Variants in COL15A1 observed in about 807,000 individuals in gnomAD.
COL15A1 encodes collagen alpha-1(XV) chain.
Under a neutral mutation model 165.9 loss-of-function variants are expected in COL15A1, and 111 were observed. The ratio of observed to expected loss-of-function variants is 0.67; its 90% CI spans 0.57 to 0.78. The LOEUF is 0.78. Among genes scored for constraint, COL15A1 ranks in the 30% least tolerant of loss-of-function variants. The probability of loss-of-function intolerance (pLI) is 0.00; values close to 1 mark genes in which losing one functional copy is unlikely to be tolerated. For synonymous variants in COL15A1, 659 were observed against 674.8 expected (o/e 0.98, Z 0.36); for missense variants, 1,745 against 1,789.7 (o/e 0.98, Z 0.45).
At chr9:98,996,520 T>C (rs1448547861) in intron 5 of COL15A1, among the ~76,000 whole-genome samples, 1 of 152,228 alleles carries the variant, frequency 6.6e-6, no homozygotes, top group Non-Finnish European at 1.5e-5. Flanking sequence ...TTCATAGGTG[T>C]TTTCATATCT....
chr9:98,990,760 G>T (rs556363056), intron 5 of COL15A1, among the ~76,000 whole-genome samples: 1 of 152,220 alleles, frequency 6.6e-6, no homozygotes, highest in Non-Finnish European at 1.5e-5. Context: ...GGAGGGGAAG[G>T]AAGAGAACTG....
At chr9:99,049,457 A>G (rs1230970522) in intron 28 of COL15A1, among the ~76,000 whole-genome samples, 1 of 152,172 alleles carries the variant, frequency 6.6e-6, no homozygotes, top group Non-Finnish European at 1.5e-5. Context: ...CATTAGCTGC[A>G]TGTGTTAACC....
intron 11 of COL15A1, among the ~76,000 whole-genome samples, chr9:99,016,657 G>T (rs1316408928): frequency 1.3e-5 from 2 of 152,238 alleles, no homozygotes; most frequent in East Asian, 3.8e-4. Context: ...CCACACCTAG[G>T]GTTGTCACCA....
chr9:99,014,961 C>T (rs960412907), intron 9 of COL15A1, among the ~76,000 whole-genome samples: 2 of 152,140 alleles, frequency 1.3e-5, no homozygotes, highest in Non-Finnish European at 1.5e-5. Context: ...AGAGGGGTGA[C>T]TTTGAGTTCC....
chr9:98,969,117 T>C (rs35706367), intron 2 of COL15A1, among the ~76,000 whole-genome samples: 36,404 of 152,124 alleles, frequency 0.24, 4,926 homozygotes, highest in East Asian at 0.37. Flanking sequence ...ATGAGAAAGA[T>C]TGTATCACCC....
intron 30 of COL15A1, among the ~76,000 whole-genome samples, chr9:99,051,386 C>T (rs112647306): frequency 1.3e-5 from 2 of 152,116 alleles, no homozygotes; most frequent in Non-Finnish European, 2.9e-5. Flanking sequence ...CTTCATATTG[C>T]CTGGCTAGAT....
At chr9:99,028,086 G>A (rs1199273361) in intron 16 of COL15A1, among the ~76,000 whole-genome samples, 1 of 152,160 alleles carries the variant, frequency 6.6e-6, no homozygotes, top group African/African-American at 2.4e-5. Context: ...TTGCACCGTT[G>A]GATAGATCCA....
chr9:99,069,643 G>T, intron 41 of COL15A1, 30 bp from the exon 42 acceptor site: 1 of 1,584,784 alleles, frequency 6.3e-7, no homozygotes, highest in South Asian at 1.1e-5. Context: ...GTGTCATTTT[G>T]AAAAATAACA....
intron 40 of COL15A1, 75 bp from the exon 41 acceptor site, chr9:99,068,467 CAAAAAAAAAAAAA>C: frequency 1.1e-5 from 3 of 269,468 alleles, no homozygotes; most frequent in Admixed American, 1.7e-4. Context: ...GAAACTGTGT[CAAAAAAAAAAAAA>C]AAAAAAGAGT....
chr9:98,960,341 A>C (rs757657467), intron 2 of COL15A1, among the ~76,000 whole-genome samples: 1 of 152,196 alleles, frequency 6.6e-6, no homozygotes. Flanking sequence ...TTAAGGCTGC[A>C]GTGAGCCGAG....
chr9:98,958,269 T>G (rs892913637), intron 2 of COL15A1, among the ~76,000 whole-genome samples: 2 of 152,238 alleles, frequency 1.3e-5, no homozygotes, highest in African/African-American at 4.8e-5. Context: ...AGCATGAACA[T>G]GCTAGGATAT....
At chr9:99,009,396 A>G (rs963634109) in intron 9 of COL15A1, among the ~76,000 whole-genome samples, 2 of 152,268 alleles carry the variant, frequency 1.3e-5, no homozygotes, top group Non-Finnish European at 2.9e-5. Context: ...ATTTATGTAA[A>G]TATAATCCAA....
intron 8 of COL15A1, among the ~76,000 whole-genome samples, chr9:99,004,281 G>C (rs1838718384): frequency 6.6e-6 from 1 of 152,154 alleles, no homozygotes; most frequent in African/African-American, 2.4e-5. Context: ...CCGGGCTTGG[G>C]GGCTGTGTTG....
chr9:99,033,993 G>A (rs1475517355), intron 16 of COL15A1, among the ~76,000 whole-genome samples: 1 of 152,052 alleles, frequency 6.6e-6, no homozygotes, highest in Middle Eastern at 3.2e-3. Context: ...ACTGTAGTGT[G>A]GTCCCCACTG....
intron 7 of COL15A1, 37 bp from the exon 8 acceptor site, chr9:99,003,416 C>T: frequency 7.1e-7 from 1 of 1,415,632 alleles, no homozygotes; most frequent in Non-Finnish European, 9.3e-7. Context: ...TGATGGGAGC[C>T]CAGAGACATG....
At chr9:99,038,835 G>A (rs1839350795) in intron 22 of COL15A1, 102 bp downstream of exon 22, 2 of 697,988 alleles carry the variant, frequency 2.9e-6, no homozygotes, top group Admixed American at 2.3e-5. Context: ...GAAGCGTAGA[G>A]CTAGAATATA....
At chr9:98,995,521 G>A (rs183315893) in intron 5 of COL15A1, among the ~76,000 whole-genome samples, 1 of 152,252 alleles carries the variant, frequency 6.6e-6, no homozygotes, top group East Asian at 1.9e-4. Flanking sequence ...TCCTCCCTCT[G>A]CCTGCCTCCC....
At chr9:98,978,480 A>G (rs1245763223) in intron 2 of COL15A1, among the ~76,000 whole-genome samples, 1 of 152,240 alleles carries the variant, frequency 6.6e-6, no homozygotes, top group African/African-American at 2.4e-5. Context: ...GAGAGAGGAA[A>G]TAGAGGAAAA....
intron 22 of COL15A1, among the ~76,000 whole-genome samples, chr9:99,039,441 G>A (rs550745780): frequency 6.6e-5 from 10 of 152,264 alleles, no homozygotes; most frequent in South Asian, 2.1e-4. Flanking sequence ...CCTGGGAGGC[G>A]GAGGTTGCAG....
Sources: gnomAD v4.1 joint callset for allele counts (sites outside exome capture counted in the v4.1 genomes callset) on GRCh38, gnomAD v4.1.1 for gene constraint, MANE v1.5 for transcripts, NCBI Gene and HGNC (gene_info 2026-07-23, HGNC 2026-07-21) for gene names.